The following CDIN1 variants were observed in gnomAD, a reference collection of about 807,000 sequenced individuals.
The protein encoded by CDIN1 is CDAN1 interacting nuclease 1.
Under a neutral mutation model 45.3 loss-of-function variants are expected in CDIN1, and 33 were observed. That is an observed-to-expected ratio of 0.73 (90% confidence interval 0.55 to 0.97). CDIN1 has a LOEUF of 0.97. Ranked by LOEUF, CDIN1 falls within the 50% of genes least tolerant of loss-of-function variation. The pLI is 0.00. For missense variants in CDIN1, 303 were observed against 339.4 expected (o/e 0.89, Z 0.84); for synonymous variants, 118 against 124.4 (o/e 0.95, Z 0.34).
chr15:36,699,507 T>C (rs775050511), intron 8 of CDIN1, among the ~76,000 whole-genome samples: 4 of 152,194 alleles, frequency 2.6e-5, no homozygotes, highest in Non-Finnish European at 5.9e-5. Flanking sequence ...GATCCTTTGC[T>C]AAGCTGAAGT....
intron 1 of CDIN1, among the ~76,000 whole-genome samples, chr15:36,623,886 A>G (rs2039309900): frequency 3.3e-5 from 5 of 152,200 alleles, no homozygotes; most frequent in African/African-American, 9.6e-5. Context: ...TCTAAGGCCA[A>G]ACTGCCTATA....
intron 10 of CDIN1, among the ~76,000 whole-genome samples, chr15:36,722,604 T>C (rs1229374926): frequency 6.6e-6 from 1 of 152,182 alleles, no homozygotes; most frequent in East Asian, 1.9e-4. Context: ...TGCTTTTTCA[T>C]TTCCTCTGCC....
At chr15:36,696,454 C>T (rs1393540056) in intron 7 of CDIN1, 2 of 152,212 alleles carry the variant, frequency 1.3e-5, no homozygotes, top group African/African-American at 4.8e-5. Flanking sequence ...TGTGAATTCA[C>T]AGAAGATTTA....
chr15:36,638,877 T>A (rs1791391308), intron 1 of CDIN1, among the ~76,000 whole-genome samples: 1 of 152,246 alleles, frequency 6.6e-6, no homozygotes, highest in Admixed American at 6.5e-5. Context: ...CATACATGAT[T>A]TGCAGAACTC....
chr15:36,756,264 GT>G lies in CDIN1; in HGVS notation c.716+46308del, dbSNP rs367588609. Among the ~76,000 whole-genome samples, 18 of 152,190 alleles carry G rather than the reference GT, an allele frequency of 1.2e-4. 1 individual carries two copies. In the East Asian group the frequency reaches 2.9e-3, roughly 24 times the overall value. On this transcript the variant is annotated intron_variant, in intron 10 of 10. Transcript: ENST00000566621. Reference sequence around the variant, plus strand: ...TGCTGACTGGCACATTTGGCAGTAGGTTTTTGTTTTTGTTTTTGTTTTCAAA... The same window carrying G: ...TGCTGACTGGCACATTTGGCAGTAGGTTTTGTTTTTGTTTTTGTTTTCAAA...
At chr15:36,681,453 A>G (rs2041848482) in intron 5 of CDIN1, among the ~76,000 whole-genome samples, 1 of 152,140 alleles carries the variant, frequency 6.6e-6, no homozygotes, top group Non-Finnish European at 1.5e-5. Flanking sequence ...AAGATCTTCT[A>G]ACAGATGTCT....
chr15:36,757,167 T>C (rs181060698), intron 10 of CDIN1, among the ~76,000 whole-genome samples: 63 of 152,286 alleles, frequency 4.1e-4, no homozygotes, highest in African/African-American at 1.5e-3. Flanking sequence ...ATACTTCACG[T>C]CTACCAACCA....
chr15:36,590,209 G>T (rs1283700133), intron 1 of CDIN1, among the ~76,000 whole-genome samples: 2 of 152,088 alleles, frequency 1.3e-5, no homozygotes, highest in Non-Finnish European at 1.5e-5. Flanking sequence ...TTCAAACTGT[G>T]ACCTCATAAA....
At chr15:36,589,655 G>A (rs6495853) in intron 1 of CDIN1, among the ~76,000 whole-genome samples, 117,755 of 150,148 alleles carry the variant, frequency 0.78, 46,581 homozygotes, top group East Asian at 0.95. Context: ...ACAGGCGCCC[G>A]CCACCACGCC....
Position 36,637,605 on chromosome 15 carries a change from C to A in CDIN1, c.102-6673C>A, listed in dbSNP as rs146364770. On this transcript the variant is annotated intron_variant, in intron 1 of 10. Coordinates refer to ENST00000566621, the MANE Select transcript of CDIN1 (RefSeq NM_001321759.2). ...GGTGCATGTCAGATGGCCCAGAATT[C>A]TTCTCCTGCATTTATACCCATCAGA... Among the ~76,000 whole-genome samples, 721 of 152,252 alleles carry A rather than the reference C, an allele frequency of 4.7e-3. 5 individuals are homozygous for A. The highest frequency in any genetic ancestry group is 0.017 in the African/African-American group (693 of 41,536).
intron 10 of CDIN1, among the ~76,000 whole-genome samples, chr15:36,790,021 T>G (rs12592789): frequency 0.86 from 130,653 of 152,090 alleles, 59,674 homozygotes; most frequent in Non-Finnish European, 1. Context: ...TCTACGTTTG[T>G]TATATCATGA....
intron 1 of CDIN1, among the ~76,000 whole-genome samples, chr15:36,635,401 TAG>T (rs902907257): frequency 2.0e-5 from 3 of 152,186 alleles, no homozygotes; most frequent in African/African-American, 4.8e-5. Context: ...CAACTAAACT[TAG>T]ATTGAAAATA....
At chr15:36,638,250 A>G (rs1466419678) in intron 1 of CDIN1, among the ~76,000 whole-genome samples, 1 of 152,252 alleles carries the variant, frequency 6.6e-6, no homozygotes, top group East Asian at 1.9e-4. Flanking sequence ...AGATTCATAC[A>G]CATCAGACAT....
chr15:36,661,381 G>A (rs2041006394), intron 5 of CDIN1, among the ~76,000 whole-genome samples: 2 of 151,722 alleles, frequency 1.3e-5, no homozygotes, highest in Admixed American at 1.3e-4. Flanking sequence ...ACAACATTAT[G>A]ATTAATAATA....
At chr15:36,728,044 A>G (rs1231392539) in intron 10 of CDIN1, among the ~76,000 whole-genome samples, 1 of 152,214 alleles carries the variant, frequency 6.6e-6, no homozygotes. Context: ...CATGATTTTG[A>G]GAGGAAGATG....
chr15:36,601,777 G>A (rs2038118276), intron 1 of CDIN1, among the ~76,000 whole-genome samples: 1 of 152,156 alleles, frequency 6.6e-6, no homozygotes, highest in Admixed American at 6.5e-5. Context: ...TGTCCTGCCT[G>A]GCACACAGTG....
At chr15:36,592,606 T>G (rs536266016) in intron 1 of CDIN1, among the ~76,000 whole-genome samples, 2 of 152,336 alleles carry the variant, frequency 1.3e-5, no homozygotes, top group African/African-American at 4.8e-5. Context: ...GTTGGGTTGT[T>G]GGGCTTTCTC....
intron 10 of CDIN1, among the ~76,000 whole-genome samples, chr15:36,742,489 A>C (rs1402404553): frequency 6.6e-6 from 1 of 152,232 alleles, no homozygotes; most frequent in East Asian, 1.9e-4. Context: ...GGCAAAAATC[A>C]AACAGAATCT....
At chr15:36,698,788 AG>A (rs1331672409) in intron 8 of CDIN1, among the ~76,000 whole-genome samples, 2 of 152,304 alleles carry the variant, frequency 1.3e-5, no homozygotes, top group Non-Finnish European at 2.9e-5. Flanking sequence ...TCAGGCCTTC[AG>A]CCCCATTTTT....
Sources: allele counts gnomAD v4.1 joint callset (sites outside exome capture counted in the v4.1 genomes callset), GRCh38; gene constraint gnomAD v4.1.1; transcripts MANE v1.5; gene names NCBI Gene and HGNC (gene_info 2026-07-23, HGNC 2026-07-21).